The following SMARCAL1 variants were observed in gnomAD, a reference collection of about 807,000 sequenced individuals.
SMARCAL1 encodes SNF2 related chromatin remodeling annealing helicase 1.
SMARCAL1 carries 58 observed loss-of-function variants against 94.5 expected under a neutral mutation model. The ratio of observed to expected loss-of-function variants is 0.61; its 90% confidence interval spans 0.50 to 0.76. SMARCAL1 has a LOEUF of 0.76. SMARCAL1 is among the 30% of genes least tolerant of loss of function. SMARCAL1 has a pLI of 0.00. For missense variants in SMARCAL1, 1,051 were observed against 1,177.9 expected, an observed-to-expected ratio of 0.89 and a Z score of 1.58; for synonymous variants, 422 against 455.1, an observed-to-expected ratio of 0.93 and a Z score of 0.93.
At chr2:216,413,221 C>T (rs527768844) in intron 1 of SMARCAL1, among the ~76,000 whole-genome samples, 161 of 152,314 alleles carry the variant, frequency 1.1e-3, no homozygotes, top group Non-Finnish European at 1.8e-3. Context: ...AACCCTATAG[C>T]TGCCCAGAGG....
intron 8 of SMARCAL1, among the ~76,000 whole-genome samples, chr2:216,434,358 A>G (rs1694028764): frequency 6.6e-6 from 1 of 152,218 alleles, no homozygotes. Flanking sequence ...TTGTAGAAAT[A>G]TCGACATAAG....
Position 216,477,220 on chromosome 2 carries a change from G to A in SMARCAL1, c.2528+11G>A. 1 of 1,568,588 alleles carries A rather than the reference G, an allele frequency of 6.4e-7. No homozygotes were observed. The highest frequency in any genetic ancestry group is 8.7e-7 in the Non-Finnish European group (1 of 1,153,468). ...TGATGACTACCTTTGGTATGGCTTG[G>A]TTGGGTGGCCTGGCAGTTGGAGTCG... On this transcript the variant is annotated intron_variant, in intron 16 of 17. Transcript: ENST00000357276.
At chr2:216,451,212 T>G (rs1694443768) in intron 12 of SMARCAL1, 148 bp downstream of exon 12, 1 of 726,228 alleles carries the variant, frequency 1.4e-6, no homozygotes. Context: ...CAAGTCCATT[T>G]CATTCCTCAG....
intron 10 of SMARCAL1, among the ~76,000 whole-genome samples, chr2:216,444,120 T>C (rs887634256): frequency 6.6e-6 from 1 of 152,240 alleles, no homozygotes; most frequent in Non-Finnish European, 1.5e-5. Context: ...ACAGCTTCAA[T>C]GTCCCTGCCA....
chr2:216,450,506 AATAG>A (rs1694424698), intron 11 of SMARCAL1, among the ~76,000 whole-genome samples: 1 of 152,220 alleles, frequency 6.6e-6, no homozygotes, highest in South Asian at 2.1e-4. Context: ...AGTGTACAGG[AATAG>A]TCTGACAAGC....
chr2:216,478,090 G>A, intron 16 of SMARCAL1, 113 bp from the exon 17 acceptor site: 1 of 905,666 alleles, frequency 1.1e-6, no homozygotes, highest in Non-Finnish European at 1.9e-6. Flanking sequence ...ATGCAGAGAT[G>A]TGAAACCGTA....
At chr2:216,453,519 A>G (rs1694494260) in intron 12 of SMARCAL1, among the ~76,000 whole-genome samples, 1 of 152,238 alleles carries the variant, frequency 6.6e-6, no homozygotes, top group South Asian at 2.1e-4. Flanking sequence ...GATCAGGATC[A>G]TTGCTCTAAC....
intron 14 of SMARCAL1, among the ~76,000 whole-genome samples, chr2:216,470,735 C>T (rs1206165353): frequency 6.7e-6 from 1 of 149,838 alleles, no homozygotes; most frequent in African/African-American, 2.5e-5. Context: ...ATTCTTTTGC[C>T]TCAGCCTACC....
chr2:216,470,722 G>A (rs1694945854), intron 14 of SMARCAL1, among the ~76,000 whole-genome samples: 1 of 150,742 alleles, frequency 6.6e-6, no homozygotes, highest in Admixed American at 6.7e-5. Flanking sequence ...CTGGGCTCAA[G>A]CAATTCTTTT....
chr2:216,414,647 C>A lies in SMARCAL1; in HGVS notation c.-58C>A. On this transcript the variant is annotated splice_region_variant and 5_prime_UTR_variant, in exon 3 of 18. An upstream open reading frame in the 5' UTR gains an earlier in-frame stop. Coordinates refer to ENST00000357276, the MANE Select transcript of SMARCAL1 (RefSeq NM_014140.4). ...TCATTCTTCTTACTTTCTTCCACAG[C>A]TTTTGCCAACTTTCCAATTAAAGGT... 1 of 1,464,044 alleles carries A rather than the reference C, an allele frequency of 6.8e-7. No homozygotes were observed. The highest frequency in any genetic ancestry group is 9.6e-7 in the Non-Finnish European group (1 of 1,044,050). 90.7% of individuals were successfully genotyped at this position (1,464,044 alleles called of 1,614,324 possible). A position where few individuals can be genotyped will look rare whatever the true frequency, so the allele number is the denominator to read the frequency against.
chr2:216,441,909 T>C (rs1410490680), intron 10 of SMARCAL1, among the ~76,000 whole-genome samples: 3 of 152,186 alleles, frequency 2.0e-5, no homozygotes, highest in Non-Finnish European at 4.4e-5. Flanking sequence ...CTGGCTTTTA[T>C]TGTTAAACTA....
chr2:216,479,432 CAA>C (rs532759698), intron 17 of SMARCAL1, among the ~76,000 whole-genome samples: 10 of 120,402 alleles, frequency 8.3e-5, no homozygotes, highest in Admixed American at 3.5e-4. Context: ...GAGCCTGCCT[CAA>C]AAAAAAAAAA....
intron 12 of SMARCAL1, 23 bp from the exon 13 acceptor site, chr2:216,464,574 A>G: frequency 1.1e-5 from 18 of 1,587,682 alleles, no homozygotes; most frequent in Non-Finnish European, 1.5e-5. Flanking sequence ...GGCACTTAAC[A>G]TTCTTAACTT....
chr2:216,444,079 A>C (rs1263542516), intron 10 of SMARCAL1, among the ~76,000 whole-genome samples: 4 of 152,162 alleles, frequency 2.6e-5, no homozygotes, highest in African/African-American at 9.7e-5. Flanking sequence ...ATTTCTGAAG[A>C]TTGTATCATG....
intron 11 of SMARCAL1, among the ~76,000 whole-genome samples, chr2:216,450,115 G>T (rs1694412278): frequency 6.6e-6 from 1 of 152,186 alleles, no homozygotes; most frequent in South Asian, 2.1e-4. Flanking sequence ...CTCCCAAAGT[G>T]CTGGGATTAC....
intron 4 of SMARCAL1, among the ~76,000 whole-genome samples, chr2:216,419,732 G>A (rs1180125782): frequency 3.3e-5 from 5 of 152,030 alleles, no homozygotes; most frequent in African/African-American, 1.2e-4. Flanking sequence ...ATGTTTTGAT[G>A]TGAAAAATGT....
intron 6 of SMARCAL1, 129 bp downstream of exon 6, chr2:216,423,812 A>G: frequency 1.2e-6 from 1 of 814,778 alleles, no homozygotes; most frequent in East Asian, 2.6e-5. Flanking sequence ...GTACAGGGTA[A>G]GTAAAGGTGA....
At chr2:216,480,876 T>G (rs566572300) in intron 17 of SMARCAL1, among the ~76,000 whole-genome samples, 6 of 152,066 alleles carry the variant, frequency 3.9e-5, no homozygotes, top group Non-Finnish European at 8.8e-5. Context: ...AAGGAGAGCC[T>G]GGGGGTAAAA....
chr2:216,418,578 A>G (rs775363277), intron 4 of SMARCAL1, among the ~76,000 whole-genome samples: 1 of 152,162 alleles, frequency 6.6e-6, no homozygotes, highest in Non-Finnish European at 1.5e-5. Flanking sequence ...CTTTAGGTAT[A>G]TCTCTGGATT....
Sources: allele counts gnomAD v4.1 joint callset (sites outside exome capture counted in the v4.1 genomes callset), GRCh38; gene constraint gnomAD v4.1.1; transcripts MANE v1.5; gene names NCBI Gene and HGNC (gene_info 2026-07-23, HGNC 2026-07-21).